Variants in SAMD8 observed in about 807,000 individuals in gnomAD.
SAMD8 encodes sphingomyelin synthase-related protein 1.
SAMD8 carries 20 observed loss-of-function variants against 42.0 expected under a neutral mutation model. The observed-to-expected ratio is 0.48, with a 90% confidence interval of 0.34 to 0.69. The LOEUF is 0.69. SAMD8 is among the 30% of genes least tolerant of loss of function. The probability of loss-of-function intolerance (pLI) is 0.01; values close to 1 mark genes in which losing one functional copy is unlikely to be tolerated. For missense variants in SAMD8, 328 were observed against 511.6 expected (o/e 0.64, Z 3.46); for synonymous variants, 162 against 173.0 (o/e 0.94, Z 0.50).
At chr10:75,137,835 A>T (rs1338520507) in intron 1 of SAMD8, among the ~76,000 whole-genome samples, 1 of 152,200 alleles carries the variant, frequency 6.6e-6, no homozygotes, top group Non-Finnish European at 1.5e-5. Flanking sequence ...ATTTAAGGAA[A>T]CAGAACTATA....
At chr10:75,118,452 T>C (rs1848932894) in intron 1 of SAMD8, among the ~76,000 whole-genome samples, 1 of 152,234 alleles carries the variant, frequency 6.6e-6, no homozygotes, top group Non-Finnish European at 1.5e-5. Flanking sequence ...GAGACCAGCC[T>C]GGCCAGCATG....
intron 1 of SAMD8, among the ~76,000 whole-genome samples, chr10:75,130,331 G>A (rs1169693562): frequency 1.3e-5 from 2 of 151,772 alleles, no homozygotes; most frequent in South Asian, 2.1e-4. Context: ...GAGAAACCCC[G>A]TCTCTACTAA....
intron 1 of SAMD8, 131 bp downstream of exon 1, chr10:75,111,853 G>A: frequency 9.1e-7 from 1 of 1,095,960 alleles, no homozygotes; most frequent in Non-Finnish European, 1.2e-6. Context: ...GGAGACGGTT[G>A]AGGGAACCGG....
chr10:75,163,819 A>G (rs546201746), intron 2 of SAMD8, among the ~76,000 whole-genome samples: 40 of 152,092 alleles, frequency 2.6e-4, no homozygotes, highest in Middle Eastern at 3.4e-3. Flanking sequence ...TTAGTGGGTA[A>G]TCATAGGAGC....
intron 4 of SAMD8, among the ~76,000 whole-genome samples, chr10:75,169,616 C>T (rs1409017434): frequency 6.6e-6 from 1 of 150,608 alleles, no homozygotes; most frequent in Non-Finnish European, 1.5e-5. Flanking sequence ...CTCCTCACTC[C>T]TTTAAAAATG....
At chr10:75,172,536 C>T (rs925660440) in intron 4 of SAMD8, among the ~76,000 whole-genome samples, 9 of 151,436 alleles carry the variant, frequency 5.9e-5, no homozygotes, top group African/African-American at 7.3e-5. Context: ...CTTTCTCTGT[C>T]GCCCCGGCTA....
intron 1 of SAMD8, among the ~76,000 whole-genome samples, chr10:75,148,788 C>T (rs1564687180): frequency 6.6e-6 from 1 of 152,128 alleles, no homozygotes; most frequent in Non-Finnish European, 1.5e-5. Flanking sequence ...AGGATGCTGT[C>T]CTCATTCATT....
rs1177627912 is a variant in SAMD8, at chr10:75,145,049, T to C, written c.-15-5465T>C. Among the ~76,000 whole-genome samples, 4 of 152,300 alleles carry C rather than the reference T, an allele frequency of 2.6e-5. No homozygotes were observed. In the East Asian group the frequency reaches 5.8e-4, roughly 22 times the overall value. On this transcript the variant is annotated intron_variant, in intron 1 of 5. Transcript: ENST00000542569. Reference sequence around the variant, plus strand: ...CAGGGTATTTTTCATCTCAGATTATTTCATTTTATCTCTAGAACTTGGAGT... The same window carrying C: ...CAGGGTATTTTTCATCTCAGATTATCTCATTTTATCTCTAGAACTTGGAGT...
Position 75,164,784 on chromosome 10 carries a change from T to A in SAMD8, c.674+44T>A, listed in dbSNP as rs1314394192. 5 of 1,317,966 alleles carry A rather than the reference T, an allele frequency of 3.8e-6. No individual in the cohort carries two copies. The African/African-American group carries it at 4.4e-5, about 11-fold the overall frequency. The allele number at this position is 1,317,966 out of a possible 1,614,324, so 81.6% of individuals were successfully genotyped here. ...AAATGACTGAAAATGTTTTGACTCCTGTATCAAGATCATAAAATCTTAACC... is the reference window on the plus strand; with the variant it reads ...AAATGACTGAAAATGTTTTGACTCCAGTATCAAGATCATAAAATCTTAACC... On this transcript the variant is annotated intron_variant, in intron 3 of 5. Coordinates refer to ENST00000542569, the MANE Select transcript of SAMD8 (RefSeq NM_001174156.2).
intron 3 of SAMD8, chr10:75,168,278 T>A (rs530067576): frequency 1.3e-5 from 3 of 224,478 alleles, no homozygotes; most frequent in Non-Finnish European, 2.2e-5. Context: ...AAAACTCAGT[T>A]CCTCAGTCAT....
rs572417032 is a variant in SAMD8, at chr10:75,155,157, A to T, written c.578+4051A>T. Among the ~76,000 whole-genome samples, 14 of 152,236 alleles carry T rather than the reference A, an allele frequency of 9.2e-5. No homozygotes were observed. The East Asian group carries it at 2.5e-3, about 27-fold the overall frequency. ...TCCTCCCATCCCTGCCTCCCAAAGC[A>T]CTGGGATTGTAGGTGTGAGCTACCA... On this transcript the variant is annotated intron_variant, in intron 2 of 5. Coordinates refer to ENST00000542569, the MANE Select transcript of SAMD8 (RefSeq NM_001174156.2).
intron 1 of SAMD8, among the ~76,000 whole-genome samples, chr10:75,146,459 T>C (rs1840138212): frequency 6.6e-6 from 1 of 151,984 alleles, no homozygotes; most frequent in Admixed American, 6.6e-5. Context: ...TAATTTTTTG[T>C]ATTTTTGGTA....
intron 2 of SAMD8, among the ~76,000 whole-genome samples, chr10:75,157,230 A>G (rs562067466): frequency 1.3e-5 from 2 of 151,814 alleles, no homozygotes; most frequent in African/African-American, 4.8e-5. Context: ...AGAAATGATG[A>G]GGGGGAGAGA....
intron 1 of SAMD8, among the ~76,000 whole-genome samples, chr10:75,115,928 G>A (rs1848871494): frequency 7.2e-6 from 1 of 138,854 alleles, no homozygotes. Context: ...GCAACAGAGC[G>A]AGACTCCGTC....
At chr10:75,157,296 C>A (rs1344027020) in intron 2 of SAMD8, among the ~76,000 whole-genome samples, 1 of 151,204 alleles carries the variant, frequency 6.6e-6, no homozygotes, top group Non-Finnish European at 1.5e-5. Flanking sequence ...TATATGATAG[C>A]ATGTTTGTTG....
rs142563598 is a variant in SAMD8, at chr10:75,173,023, A to G, written c.793-3043A>G. Among the ~76,000 whole-genome samples the G allele has an allele frequency of 7.4e-3, 1,124 of 152,314 alleles. 13 individuals are homozygous for G. The highest frequency in any genetic ancestry group is 0.025 in the African/African-American group (1,048 of 41,562). On this transcript the variant is annotated intron_variant, in intron 4 of 5. Coordinates refer to ENST00000542569, the MANE Select transcript of SAMD8 (RefSeq NM_001174156.2). ...TAAGGGATTTAATTGTAGGACAGCCACTGAGGAGAGGGATATCCGTGCATA... is the reference window on the plus strand; with the variant it reads ...TAAGGGATTTAATTGTAGGACAGCCGCTGAGGAGAGGGATATCCGTGCATA...
Position 75,177,743 on chromosome 10 carries a change from TTTTTTACTTTTAAATATA to T in SAMD8, c.*1052_*1069del, listed in dbSNP as rs2132224522. 6.6e-6 allele frequency: 1 copy of T among 152,356 alleles called. No homozygotes were observed. The highest frequency in any genetic ancestry group is 2.4e-5 in the African/African-American group (1 of 41,584). The allele number at this position is 152,356 out of a possible 1,614,324, so 9.4% of individuals were successfully genotyped here. On this transcript the variant is annotated 3_prime_UTR_variant, in exon 6 of 6. Transcript: ENST00000542569. ...ACTTGGATATGAAAAAGTTTCGTTG[TTTTTTACTTTTAAATATA>T]ATGGTGTATATACATTCTTTCTATT...
intron 1 of SAMD8, among the ~76,000 whole-genome samples, chr10:75,120,436 A>T (rs1267850910): frequency 1.3e-5 from 2 of 150,870 alleles, no homozygotes; most frequent in Admixed American, 1.3e-4. Flanking sequence ...TGCCCAGCTA[A>T]TTTTTTGTAT....
At chr10:75,173,926 G>A (rs767836887) in intron 4 of SAMD8, among the ~76,000 whole-genome samples, 85 of 152,266 alleles carry the variant, frequency 5.6e-4, no homozygotes, top group Middle Eastern at 3.4e-3. Flanking sequence ...TTCCTCATCT[G>A]CACAATTAAA....
Sources: allele counts gnomAD v4.1 joint callset (sites outside exome capture counted in the v4.1 genomes callset), GRCh38; gene constraint gnomAD v4.1.1; transcripts MANE v1.5; gene names NCBI Gene and HGNC (gene_info 2026-07-23, HGNC 2026-07-21).